MROH9: variants seen among roughly 807,000 people sequenced by gnomAD.
MROH9 encodes the protein maestro heat-like repeat-containing protein family member 9.
MROH9 carries 92 observed loss-of-function variants against 98.2 expected under a neutral mutation model. The ratio of observed to expected loss-of-function variants is 0.94; its 90% CI spans 0.79 to 1.11. The LOEUF (loss-of-function observed/expected upper bound fraction) is 1.11. MROH9 is among the 50% of genes most tolerant of loss of function. MROH9 has a pLI of 0.00. For synonymous variants in MROH9, 397 were observed against 368.9 expected, an observed-to-expected ratio of 1.08 and a Z score of -0.87; for missense variants, 1,057 against 1,014.8, an observed-to-expected ratio of 1.04 and a Z score of -0.57.
chr1:171,045,385 A>C (rs1375630398), intron 20 of MROH9, among the ~76,000 whole-genome samples: 1 of 152,074 alleles, frequency 6.6e-6, no homozygotes, highest in Non-Finnish European at 1.5e-5. Context: ...ATACATCATT[A>C]GAATGCTCAT....
chr1:171,005,902 T>C (rs61816059), intron 15 of MROH9, among the ~76,000 whole-genome samples: 94 of 152,066 alleles, frequency 6.2e-4, no homozygotes, highest in Non-Finnish European at 1.2e-3. Flanking sequence ...TAACAAATTA[T>C]TGAAGCTATA....
intron 20 of MROH9, among the ~76,000 whole-genome samples, chr1:171,038,106 C>A (rs1401714179): frequency 2.6e-5 from 4 of 151,722 alleles, no homozygotes; most frequent in African/African-American, 7.3e-5. Context: ...TATTGCAAAG[C>A]AAAACTACTA....
At chr1:171,020,984 A>ATGCTTGTG (rs1652497338) in intron 17 of MROH9, among the ~76,000 whole-genome samples, 1 of 152,206 alleles carries the variant, frequency 6.6e-6, no homozygotes, top group African/African-American at 2.4e-5. Flanking sequence ...GCAGAGAGCC[A>ATGCTTGTG]AATCATGAAT....
At chr1:171,008,383 A>G (rs1188331778) in intron 15 of MROH9, among the ~76,000 whole-genome samples, 1 of 152,190 alleles carries the variant, frequency 6.6e-6, no homozygotes, top group Non-Finnish European at 1.5e-5. Flanking sequence ...TATCTTGTTC[A>G]GAGGTGATTT....
chr1:170,952,317 A>G (rs1365651885), intron 3 of MROH9, among the ~76,000 whole-genome samples: 2 of 152,148 alleles, frequency 1.3e-5, no homozygotes, highest in Non-Finnish European at 2.9e-5. Context: ...TTATTGTGGC[A>G]CTATTCACAA....
In MROH9 at chr1:170,959,536, T is replaced by C. The variant is rs746275403; in HGVS notation, c.227T>C (p.Met76Thr). 4 of 1,613,636 alleles carry C rather than the reference T, an allele frequency of 2.5e-6. No homozygotes were observed. The South Asian group carries it at 4.4e-5, about 18-fold the overall frequency. ...IESSFGMLVV[M>T]PSLDKVKEMG... ...TCATCCTTTGGAATGCTAGTTGTCATGCCAAGTCTTGACAAAGTAAAAGAA... is the reference window on the plus strand; with the variant it reads ...TCATCCTTTGGAATGCTAGTTGTCACGCCAAGTCTTGACAAAGTAAAAGAA... Residue 76 changes from methionine to threonine, a missense_variant, in exon 5 of 22, where the codon ATG becomes ACG. Transcript: ENST00000367759.
intron 7 of MROH9, among the ~76,000 whole-genome samples, chr1:170,971,058 C>A (rs1156354143): frequency 6.6e-6 from 1 of 152,132 alleles, no homozygotes; most frequent in African/African-American, 2.4e-5. Flanking sequence ...TTCATAAAAG[C>A]AAATGCCTTT....
intron 15 of MROH9, among the ~76,000 whole-genome samples, chr1:171,000,836 C>G (rs1170819895): frequency 6.6e-6 from 1 of 152,004 alleles, no homozygotes; most frequent in Admixed American, 6.6e-5. Flanking sequence ...TTTTGAATGT[C>G]TGGTAGAATT....
chr1:170,982,254 A>G (rs1650961024), intron 8 of MROH9, among the ~76,000 whole-genome samples: 1 of 134,608 alleles, frequency 7.4e-6, no homozygotes. Flanking sequence ...ATAGAATACT[A>G]TTATTCCAGT....
chr1:170,989,139 T>A (rs930322117), intron 10 of MROH9, among the ~76,000 whole-genome samples: 3 of 152,162 alleles, frequency 2.0e-5, no homozygotes, highest in South Asian at 2.1e-4. Flanking sequence ...CAGCTTATAA[T>A]CTCTGTTAGT....
chr1:170,935,982 CAAAAA>C (rs59883013), intron 1 of MROH9, among the ~76,000 whole-genome samples: 1,293 of 62,078 alleles, frequency 0.021, 8 homozygotes, highest in Middle Eastern at 0.065. Context: ...CAGAGTGAGA[CAAAAA>C]AAAAAAAAAA....
intron 17 of MROH9, among the ~76,000 whole-genome samples, chr1:171,017,544 G>T: frequency 6.6e-6 from 1 of 152,210 alleles, no homozygotes; most frequent in East Asian, 1.9e-4. Flanking sequence ...TGGGGGAGGG[G>T]TGACTGGCAC....
At chr1:170,940,698 C>T (rs1262561453) in intron 1 of MROH9, among the ~76,000 whole-genome samples, 2 of 152,186 alleles carry the variant, frequency 1.3e-5, no homozygotes, top group East Asian at 1.9e-4. Flanking sequence ...TGTCATTCTC[C>T]AAGATCTATC....
chr1:171,034,920 C>T (rs965137671), intron 20 of MROH9, among the ~76,000 whole-genome samples: 12 of 152,106 alleles, frequency 7.9e-5, no homozygotes, highest in Admixed American at 7.9e-4. Context: ...TATATCAGAA[C>T]TGGCAGTGTA....
chr1:170,996,868 C>G (rs1651599811), intron 14 of MROH9, among the ~76,000 whole-genome samples: 1 of 151,766 alleles, frequency 6.6e-6, no homozygotes, highest in Non-Finnish European at 1.5e-5. Flanking sequence ...ACATAGATGC[C>G]CAATTATCCT....
At chr1:170,966,584 T>C (rs1245964400) in intron 7 of MROH9, among the ~76,000 whole-genome samples, 1 of 152,160 alleles carries the variant, frequency 6.6e-6, no homozygotes, top group African/African-American at 2.4e-5. Flanking sequence ...CTAGATCAGC[T>C]TTGTAATACC....
chr1:170,975,669 T>C (rs1650657542), intron 8 of MROH9, among the ~76,000 whole-genome samples: 1 of 152,058 alleles, frequency 6.6e-6, no homozygotes. Context: ...TTATTTCACT[T>C]AAGAAAATGA....
chr1:170,998,099 C>T, intron 14 of MROH9, 55 bp from the exon 15 acceptor site: 1 of 1,312,802 alleles, frequency 7.6e-7, no homozygotes, highest in Non-Finnish European at 1.1e-6. Context: ...CTCTTTGCCA[C>T]TATTAGCATG....
chr1:170,971,147 A>G (rs1468011254), intron 7 of MROH9, among the ~76,000 whole-genome samples: 7 of 152,160 alleles, frequency 4.6e-5, no homozygotes, highest in Admixed American at 3.3e-4. Context: ...TAAGGTGAAA[A>G]TCTAAATATT....
Sources: allele counts gnomAD v4.1 joint callset (sites outside exome capture counted in the v4.1 genomes callset), GRCh38; gene constraint gnomAD v4.1.1; transcripts MANE v1.5; gene names NCBI Gene and HGNC (gene_info 2026-07-23, HGNC 2026-07-21).